Variants in LRRTM4 observed in about 807,000 individuals in gnomAD.
The protein encoded by LRRTM4 is leucine-rich repeat transmembrane neuronal protein 4.
LRRTM4 carries 25 observed loss-of-function variants against 47.6 expected under a neutral mutation model. That is an observed-to-expected ratio of 0.53 (90% CI 0.38 to 0.73). The LOEUF (loss-of-function observed/expected upper bound fraction) is 0.73. Ranked by LOEUF, LRRTM4 falls within the 30% of genes least tolerant of loss-of-function variation. The pLI is 0.00. For synonymous variants in LRRTM4, 311 were observed against 269.5 expected (o/e 1.15, Z -1.51); for missense variants, 638 against 713.4 (o/e 0.89, Z 1.20).
chr2:77,011,993 G>A (rs1677893022), intron 3 of LRRTM4, among the ~76,000 whole-genome samples: 3 of 152,008 alleles, frequency 2.0e-5, no homozygotes, highest in South Asian at 2.1e-4. Context: ...GTGACAGCAC[G>A]TGCCAGATGC....
chr2:77,084,448 T>C (rs1330936160), intron 3 of LRRTM4, among the ~76,000 whole-genome samples: 1 of 152,206 alleles, frequency 6.6e-6, no homozygotes, highest in Non-Finnish European at 1.5e-5. Context: ...TGTTTAGCTA[T>C]GTTTACCATG....
At chr2:76,919,638 A>G (rs1674372369) in intron 3 of LRRTM4, among the ~76,000 whole-genome samples, 1 of 152,152 alleles carries the variant, frequency 6.6e-6, no homozygotes, top group African/African-American at 2.4e-5. Flanking sequence ...TTAATTTATA[A>G]TTACCACTTC....
At chr2:77,181,161 A>T (rs886838037) in intron 3 of LRRTM4, among the ~76,000 whole-genome samples, 14 of 152,182 alleles carry the variant, frequency 9.2e-5, no homozygotes, top group Non-Finnish European at 1.6e-4. Context: ...ACAATACTAC[A>T]GGTAAGACTG....
intron 3 of LRRTM4, among the ~76,000 whole-genome samples, chr2:77,123,004 G>A (rs1319300010): frequency 6.6e-6 from 1 of 151,730 alleles, no homozygotes; most frequent in East Asian, 1.9e-4. Context: ...TTACTGGCAT[G>A]GCTCAATGTG....
chr2:77,290,309 A>C (rs768244243), intron 3 of LRRTM4, among the ~76,000 whole-genome samples: 22 of 151,830 alleles, frequency 1.4e-4, no homozygotes, highest in Non-Finnish European at 3.2e-4. Flanking sequence ...TCTATTTGAC[A>C]TATGTCTCAT....
At chr2:77,065,768 G>C (rs1484714036) in intron 3 of LRRTM4, among the ~76,000 whole-genome samples, 1 of 152,140 alleles carries the variant, frequency 6.6e-6, no homozygotes, top group African/African-American at 2.4e-5. Context: ...CCCCCCATTA[G>C]TTAACAGAAT....
intron 3 of LRRTM4, among the ~76,000 whole-genome samples, chr2:76,813,219 T>C (rs989743651): frequency 6.6e-6 from 1 of 152,174 alleles, no homozygotes; most frequent in African/African-American, 2.4e-5. Context: ...TATATGTGTA[T>C]ATATTTCATT....
chr2:76,793,877 T>TTCCCTA (rs1675113383), intron 3 of LRRTM4, among the ~76,000 whole-genome samples: 1 of 152,182 alleles, frequency 6.6e-6, no homozygotes, highest in Non-Finnish European at 1.5e-5. Context: ...ACAATTCGTA[T>TTCCCTA]GATCTAGGGA....
At chr2:77,476,180 T>C (rs1018174587) in intron 3 of LRRTM4, among the ~76,000 whole-genome samples, 1 of 152,056 alleles carries the variant, frequency 6.6e-6, no homozygotes, top group Non-Finnish European at 1.5e-5. Flanking sequence ...TCATAAACCA[T>C]GTGAGTTCAT....
At chr2:76,904,252 G>C (rs781660017) in intron 3 of LRRTM4, among the ~76,000 whole-genome samples, 14 of 152,192 alleles carry the variant, frequency 9.2e-5, no homozygotes, top group Non-Finnish European at 1.0e-4. Context: ...TCTTTTATGA[G>C]AAGAATAACA....
chr2:76,858,235 A>G, intron 3 of LRRTM4, among the ~76,000 whole-genome samples: 1 of 152,172 alleles, frequency 6.6e-6, no homozygotes. Context: ...ACCCTGCCTA[A>G]GATGGATAGG....
At chr2:77,309,688 TAGATA>T (rs1354471287) in intron 3 of LRRTM4, among the ~76,000 whole-genome samples, 3 of 54,482 alleles carry the variant, frequency 5.5e-5, no homozygotes, top group South Asian at 6.2e-4. Context: ...AGATGATAGA[TAGATA>T]GATAGATAGA....
chr2:76,839,615 C>T (rs1045935796), intron 3 of LRRTM4, among the ~76,000 whole-genome samples: 5 of 151,974 alleles, frequency 3.3e-5, no homozygotes, highest in African/African-American at 1.2e-4. Flanking sequence ...GAGATGGTTA[C>T]TCAGAAAAAG....
intron 3 of LRRTM4, among the ~76,000 whole-genome samples, chr2:77,310,481 T>C (rs758626437): frequency 2.6e-5 from 4 of 152,162 alleles, no homozygotes; most frequent in Non-Finnish European, 4.4e-5. Context: ...CTTGCCAGCC[T>C]CACGGACTAT....
chr2:77,312,631 C>T (rs1043781377), intron 3 of LRRTM4, among the ~76,000 whole-genome samples: 5 of 152,066 alleles, frequency 3.3e-5, no homozygotes, highest in African/African-American at 1.2e-4. Flanking sequence ...ACACCACACG[C>T]GTGCACACAC....
intron 3 of LRRTM4, among the ~76,000 whole-genome samples, chr2:77,039,326 CTTT>C (rs11302579): frequency 6.8e-6 from 1 of 146,720 alleles, no homozygotes. Context: ...AATTGTAAGT[CTTT>C]TTTTTTTTTT....
At chr2:77,222,120 G>A (rs1343356221) in intron 3 of LRRTM4, among the ~76,000 whole-genome samples, 1 of 152,116 alleles carries the variant, frequency 6.6e-6, no homozygotes. Context: ...GGTACATAAG[G>A]AAATGAAGGC....
chr2:77,126,374 GGTATAAA>G (rs1156490426), intron 3 of LRRTM4, among the ~76,000 whole-genome samples: 1 of 151,996 alleles, frequency 6.6e-6, no homozygotes, highest in Non-Finnish European at 1.5e-5. Context: ...GAGGTTATGG[GGTATAAA>G]GCAAGGAGAA....
chr2:77,504,244 T>C (rs926870750), intron 3 of LRRTM4, among the ~76,000 whole-genome samples: 1 of 151,660 alleles, frequency 6.6e-6, no homozygotes, highest in African/African-American at 2.4e-5. Flanking sequence ...GACACAGATG[T>C]ACTCATCCTT....
Sources: allele counts gnomAD v4.1 joint callset (sites outside exome capture counted in the v4.1 genomes callset), GRCh38; gene constraint gnomAD v4.1.1; transcripts MANE v1.5; gene names NCBI Gene and HGNC (gene_info 2026-07-23, HGNC 2026-07-21).